MALRD1: variants seen among roughly 807,000 people sequenced by gnomAD.
MALRD1 encodes the protein MAM and LDL receptor class A domain containing 1, also known as MAM and LDL-receptor class A domain-containing protein 1.
A neutral mutation model predicts 242.1 loss-of-function variants in MALRD1; 247 were observed. The observed-to-expected ratio is 1.02, with a 90% CI of 0.92 to 1.13. MALRD1 has a LOEUF of 1.13. Among genes scored for constraint, MALRD1 ranks in the 50% most tolerant of loss-of-function variants. MALRD1 has a pLI of 0.00. For missense variants in MALRD1, 2,989 were observed against 2,533.1 expected (o/e 1.18, Z -3.86); for synonymous variants, 995 against 866.6 (o/e 1.15, Z -2.60).
chr10:19,203,160 CTGATT>C (rs1232831141), intron 14 of MALRD1, among the ~76,000 whole-genome samples: 1 of 150,408 alleles, frequency 6.6e-6, no homozygotes, highest in African/African-American at 2.5e-5. Flanking sequence ...TGGAATTTAA[CTGATT>C]TATCTGCGTA....
intron 36 of MALRD1, among the ~76,000 whole-genome samples, chr10:19,661,730 C>T (rs983534608): frequency 1.3e-5 from 2 of 152,096 alleles, no homozygotes; most frequent in Admixed American, 6.5e-5. Flanking sequence ...CACCTGTATA[C>T]ATATGTAACA....
At chr10:19,589,126 A>G (rs749397152) in intron 33 of MALRD1, among the ~76,000 whole-genome samples, 32 of 152,354 alleles carry the variant, frequency 2.1e-4, no homozygotes, top group Non-Finnish European at 3.4e-4. Context: ...AGAGAAAAGT[A>G]TCACATACAA....
chr10:19,374,079 A>G (rs1441720868), intron 26 of MALRD1, among the ~76,000 whole-genome samples: 1 of 152,224 alleles, frequency 6.6e-6, no homozygotes, highest in African/African-American at 2.4e-5. Context: ...TTGTCTTTCC[A>G]AAGAAAGTTC....
chr10:19,074,715 C>A (rs1396677716), intron 2 of MALRD1, among the ~76,000 whole-genome samples: 2 of 151,922 alleles, frequency 1.3e-5, no homozygotes, highest in African/African-American at 4.8e-5. Flanking sequence ...TCTCTAATTT[C>A]TCTATTGAAA....
Position 19,110,112 on chromosome 10 carries a change from C to T in MALRD1, c.694+6037C>T, listed in dbSNP as rs115037028. On this transcript the variant is annotated intron_variant, in intron 5 of 39. Transcript: ENST00000454679. ...GCTATTCCCCTGCAACACTCTGGTG[C>T]TTTCCCTCAGCTGCTGTTGTCAAAA... Among the ~76,000 whole-genome samples, 368 of 152,320 alleles carry T rather than the reference C, an allele frequency of 2.4e-3. 1 individual carries two copies. Among genetic ancestry groups the T allele is most frequent in the African/African-American group, 8.5e-3 (355 of 41,582 alleles).
At chr10:19,219,575 T>A (rs1837471130) in intron 18 of MALRD1, among the ~76,000 whole-genome samples, 4 of 152,144 alleles carry the variant, frequency 2.6e-5, no homozygotes. Flanking sequence ...TAGCTGCGCC[T>A]ATAGGCGTGC....
intron 18 of MALRD1, among the ~76,000 whole-genome samples, chr10:19,232,391 C>A (rs921133351): frequency 1.3e-5 from 2 of 151,230 alleles, no homozygotes; most frequent in Non-Finnish European, 2.9e-5. Flanking sequence ...TGGGCAAGGC[C>A]AGTCTCCAAT....
chr10:19,132,564 A>G (rs1462479208), intron 8 of MALRD1, among the ~76,000 whole-genome samples: 2 of 152,184 alleles, frequency 1.3e-5, no homozygotes, highest in Non-Finnish European at 2.9e-5. Context: ...GGGCATGCAT[A>G]AATTATGTGA....
chr10:19,357,313 A>G (rs1292138738), intron 26 of MALRD1, among the ~76,000 whole-genome samples: 2 of 152,064 alleles, frequency 1.3e-5, no homozygotes, highest in African/African-American at 4.8e-5. Flanking sequence ...ATTCTTAAGA[A>G]TTAAAAGAGG....
At chr10:19,615,069 A>G (rs1564486662) in intron 35 of MALRD1, among the ~76,000 whole-genome samples, 2 of 152,090 alleles carry the variant, frequency 1.3e-5, no homozygotes, top group African/African-American at 2.4e-5. Context: ...TACAGTTTCA[A>G]ATAGTTCCAA....
At chr10:19,588,904 A>G (rs1486604503) in intron 33 of MALRD1, among the ~76,000 whole-genome samples, 1 of 152,144 alleles carries the variant, frequency 6.6e-6, no homozygotes, top group Admixed American at 6.5e-5. Context: ...TGGCCTTCCA[A>G]AGTGCCAGGA....
intron 35 of MALRD1, among the ~76,000 whole-genome samples, chr10:19,611,495 A>C (rs181669895): frequency 6.6e-6 from 1 of 152,164 alleles, no homozygotes; most frequent in South Asian, 2.1e-4. Flanking sequence ...CTGTGTAATC[A>C]GTTGTGAATT....
intron 26 of MALRD1, among the ~76,000 whole-genome samples, chr10:19,361,457 C>A (rs544661343): frequency 6.6e-6 from 1 of 152,102 alleles, no homozygotes; most frequent in South Asian, 2.1e-4. Context: ...TCATATTGTT[C>A]TGTGAAAAAG....
chr10:19,262,796 C>G (rs552275959), intron 19 of MALRD1, among the ~76,000 whole-genome samples: 29 of 152,174 alleles, frequency 1.9e-4, no homozygotes, highest in African/African-American at 6.7e-4. Context: ...ATCTCCATTT[C>G]TTTCATCCCT....
chr10:19,605,281 A>G (rs957811815), intron 34 of MALRD1, among the ~76,000 whole-genome samples: 5 of 151,426 alleles, frequency 3.3e-5, no homozygotes. Context: ...CAGTCTCCCA[A>G]GTAGCTGGCA....
chr10:19,539,148 TA>T (rs1213824154), intron 32 of MALRD1, among the ~76,000 whole-genome samples: 3 of 152,164 alleles, frequency 2.0e-5, no homozygotes, highest in African/African-American at 7.2e-5. Context: ...CGATATGCCA[TA>T]CACCATTCAG....
rs1840737746 is a variant in MALRD1 at position 19,280,153 on chromosome 10, C to T, written c.3186C>T (p.His1062=). 6.5e-7 allele frequency: 1 copy of T among 1,544,910 alleles called. No homozygotes were observed. Residue 1062 remains histidine, a synonymous_variant, in exon 20 of 40, where the codon CAC becomes CAT. Coordinates refer to ENST00000454679, the MANE Select transcript of MALRD1 (RefSeq NM_001142308.3). ...DNEFICRSDG[H]CIEKMQKCDF... is the part of the protein sequence containing the mutation. ...AATTTATCTGCAGGTCTGATGGTCA[C>T]TGCATTGAAAAAATGCAGAAATGTG...
At chr10:19,291,002 A>G (rs1436322755) in intron 21 of MALRD1, among the ~76,000 whole-genome samples, 1 of 152,120 alleles carries the variant, frequency 6.6e-6, no homozygotes. Context: ...CGTAAGTTTT[A>G]TGATCATTTT....
chr10:19,652,489 T>C (rs1840945542), intron 36 of MALRD1, among the ~76,000 whole-genome samples: 1 of 152,198 alleles, frequency 6.6e-6, no homozygotes, highest in Non-Finnish European at 1.5e-5. Context: ...GTAAAGAGTA[T>C]AAGCTTTATC....
Sources: gnomAD v4.1 joint callset for allele counts (sites outside exome capture counted in the v4.1 genomes callset) on GRCh38, gnomAD v4.1.1 for gene constraint, MANE v1.5 for transcripts, NCBI Gene and HGNC (gene_info 2026-07-23, HGNC 2026-07-21) for gene names.